Variants in LIPC observed in about 807,000 individuals in gnomAD.
The protein encoded by LIPC is lipase C, hepatic type.
Under a neutral mutation model 50.7 loss-of-function variants are expected in LIPC, and 44 were observed. The observed-to-expected ratio is 0.87, with a 90% CI of 0.68 to 1.11. LIPC has a LOEUF of 1.11. LIPC is among the 50% of genes most tolerant of loss of function. LIPC has a pLI of 0.00. For synonymous variants in LIPC, 271 were observed against 256.4 expected, an observed-to-expected ratio of 1.06 and a Z score of -0.54; for missense variants, 697 against 648.2, an observed-to-expected ratio of 1.08 and a Z score of -0.82.
intron 6 of LIPC, among the ~76,000 whole-genome samples, chr15:58,557,151 G>C (rs1164843440): frequency 2.0e-5 from 3 of 152,060 alleles, no homozygotes; most frequent in Non-Finnish European, 4.4e-5. Context: ...TTCAAGTTCT[G>C]GAGTCAGGTT....
intron 8 of LIPC, chr15:58,566,164 C>A: frequency 1.0e-6 from 1 of 984,942 alleles, no homozygotes; most frequent in Non-Finnish European, 1.2e-6. Context: ...GGTCAACAGA[C>A]CACACTTTGA....
chr15:58,527,933 C>G (rs990500051), intron 1 of LIPC, among the ~76,000 whole-genome samples: 7 of 152,098 alleles, frequency 4.6e-5, no homozygotes, highest in African/African-American at 1.4e-4. Context: ...CCCATTTTCT[C>G]ATCAGGCAGC....
chr15:58,441,894 G>A (rs2140645015), intron 1 of LIPC, among the ~76,000 whole-genome samples: 1 of 152,268 alleles, frequency 6.6e-6, no homozygotes, highest in East Asian at 1.9e-4. Flanking sequence ...CCTCCTCCCT[G>A]TCTTGATGCA....
At chr15:58,460,261 T>C (rs564983513) in intron 1 of LIPC, among the ~76,000 whole-genome samples, 1 of 152,268 alleles carries the variant, frequency 6.6e-6, no homozygotes, top group Admixed American at 6.5e-5. Context: ...TTTCCTGGAG[T>C]TCTAACTCTG....
Position 58,542,593 on chromosome 15 carries a change from C to CGT in LIPC, c.519_520dup (p.Ser174CysfsTer58). Reference sequence around the variant, plus strand: ...TAATTGGGTACAGCCTGGGTGCACACGTGTCAGGATTTGCCGGCAGTTCCA... The same window carrying CGT: ...TAATTGGGTACAGCCTGGGTGCACACGTGTGTCAGGATTTGCCGGCAGTTCCA... On this transcript the variant is annotated frameshift_variant, in exon 4 of 9. Transcript: ENST00000299022. LOFTEE classifies it high-confidence loss of function. The CGT allele has an allele frequency of 6.2e-7, 1 of 1,613,864 alleles. No homozygotes were observed.
At chr15:58,488,843 G>C (rs1891467943) in intron 1 of LIPC, among the ~76,000 whole-genome samples, 1 of 152,190 alleles carries the variant, frequency 6.6e-6, no homozygotes, top group Non-Finnish European at 1.5e-5. Context: ...TGACAATCTA[G>C]GGATGAATTC....
intron 1 of LIPC, among the ~76,000 whole-genome samples, chr15:58,449,220 C>A (rs1313599303): frequency 6.6e-6 from 1 of 152,172 alleles, no homozygotes; most frequent in Non-Finnish European, 1.5e-5. Context: ...ACCATGCAAC[C>A]CATCTGGATA....
Position 58,489,228 on chromosome 15 carries a change from G to C in LIPC, c.89-49105G>C, listed in dbSNP as rs1487605528. On this transcript the variant is annotated intron_variant, in intron 1 of 8. Transcript: ENST00000299022. ...GATTCATTTTGTTGCGGGGGCGGGG[G>C]GGCGGCTTACAAGCTTCCCAGGGTT... is the stretch of plus-strand genomic sequence containing the variant. 1.5e-4 allele frequency among the ~76,000 whole-genome samples: 15 copies of C among 103,394 alleles called. 3 individuals are homozygous for C. Among genetic ancestry groups the C allele is most frequent in the Admixed American group, 2.9e-4 (3 of 10,516 alleles). 67.8% of individuals were successfully genotyped at this position (103,394 alleles called of 152,430 possible).
chr15:58,548,943 G>A (rs773005155), intron 6 of LIPC, among the ~76,000 whole-genome samples: 1 of 152,200 alleles, frequency 6.6e-6, no homozygotes, highest in African/African-American at 2.4e-5. Flanking sequence ...CTAGAACCCA[G>A]TTCTTTCATC....
At chr15:58,450,247 G>A (rs1893855017) in intron 1 of LIPC, among the ~76,000 whole-genome samples, 2 of 152,354 alleles carry the variant, frequency 1.3e-5, no homozygotes, top group South Asian at 2.1e-4. Context: ...AAACTTGAGT[G>A]TGCATCACAA....
intron 1 of LIPC, 143 bp downstream of exon 1, chr15:58,432,263 T>C (rs1893149507): frequency 1.4e-6 from 1 of 705,204 alleles, no homozygotes. Flanking sequence ...ACCTCACAGG[T>C]TCACAGGGAC....
chr15:58,511,421 T>C (rs1313326504), intron 1 of LIPC, among the ~76,000 whole-genome samples: 3 of 147,666 alleles, frequency 2.0e-5, no homozygotes, highest in Non-Finnish European at 4.4e-5. Context: ...GCATTTACCA[T>C]TGCATTGCAT....
chr15:58,475,335 T>C (rs1890954251), intron 1 of LIPC, among the ~76,000 whole-genome samples: 1 of 152,182 alleles, frequency 6.6e-6, no homozygotes, highest in Non-Finnish European at 1.5e-5. Flanking sequence ...CTGCTCAAGA[T>C]CTGTCAAAAG....
intron 1 of LIPC, among the ~76,000 whole-genome samples, chr15:58,460,090 T>G (rs1894285157): frequency 6.6e-6 from 1 of 152,242 alleles, no homozygotes; most frequent in South Asian, 2.1e-4. Context: ...GAGCACCCTG[T>G]AGGGCTCTGC....
At position 58,438,106 on chromosome 15, in the gene LIPC, C is replaced by T. The variant is rs188825436; in HGVS notation, c.88+5986C>T. Among the ~76,000 whole-genome samples the T allele has an allele frequency of 1.4e-3, 216 of 152,250 alleles. 2 individuals are homozygous for T. The highest frequency in any genetic ancestry group is 2.1e-3 in the Non-Finnish European group (144 of 68,014). ...GAAAACATGAATCGCCAAATGAGTGCGCAGCCAAAAGCCAAGAGAATCTGG... is the reference window on the plus strand; with the variant it reads ...GAAAACATGAATCGCCAAATGAGTGTGCAGCCAAAAGCCAAGAGAATCTGG... On this transcript the variant is annotated intron_variant, in intron 1 of 8. Coordinates refer to ENST00000299022, the MANE Select transcript of LIPC (RefSeq NM_000236.3).
intron 6 of LIPC, among the ~76,000 whole-genome samples, chr15:58,557,174 G>A (rs761242495): frequency 2.0e-5 from 3 of 152,104 alleles, no homozygotes; most frequent in Admixed American, 6.5e-5. Flanking sequence ...GTGAGCCGAC[G>A]CCCCAGCCAT....
chr15:58,453,208 AC>A (rs1308509260), intron 1 of LIPC, among the ~76,000 whole-genome samples: 1 of 151,804 alleles, frequency 6.6e-6, no homozygotes, highest in Non-Finnish European at 1.5e-5. Context: ...AACAGGCACA[AC>A]CCCCACGTTG....
intron 1 of LIPC, among the ~76,000 whole-genome samples, chr15:58,500,207 C>A (rs74016195): frequency 0.094 from 14,309 of 152,022 alleles, 908 homozygotes; most frequent in East Asian, 0.17. Flanking sequence ...AACCGTGGAG[C>A]CAGAAGCAGT....
At chr15:58,434,881 T>G (rs1893240879) in intron 1 of LIPC, 1 of 152,212 alleles carries the variant, frequency 6.6e-6, no homozygotes, top group African/African-American at 2.4e-5. Context: ...TAGGAGCAGC[T>G]GAAAGCTACC....
Sources: allele counts gnomAD v4.1 joint callset (sites outside exome capture counted in the v4.1 genomes callset), GRCh38; gene constraint gnomAD v4.1.1; transcripts MANE v1.5; gene names NCBI Gene and HGNC (gene_info 2026-07-23, HGNC 2026-07-21).